ZNF836: variants seen among roughly 807,000 people sequenced by gnomAD.
ZNF836 encodes zinc finger protein 836.
ZNF836 carries 12 observed loss-of-function variants against 7.4 expected under a neutral mutation model. The ratio of observed to expected loss-of-function variants is 1.61; its 90% CI spans 1.03 to 2.61. The LOEUF is 2.61. Ranked by LOEUF, ZNF836 falls within the 30% of genes most tolerant of loss-of-function variation. ZNF836 has a pLI of 0.00. For synonymous variants in ZNF836, 365 were observed against 382.6 expected (o/e 0.95, Z 0.54); for missense variants, 998 against 1,126.2 (o/e 0.89, Z 1.63).
chr19:52,158,989 G>A (rs66966048), intron 4 of ZNF836, among the ~76,000 whole-genome samples: 22,392 of 152,056 alleles, frequency 0.15, 1,944 homozygotes, highest in South Asian at 0.35. Context: ...TTTGCTTTTT[G>A]CACGGCAATC....
chr19:52,158,049 A>G (rs987626254), intron 4 of ZNF836, among the ~76,000 whole-genome samples: 6 of 152,174 alleles, frequency 3.9e-5, no homozygotes, highest in Admixed American at 2.6e-4. Context: ...TCTTCAGTAA[A>G]GAAAGAGTAA....
At position 52,157,348 on chromosome 19, in the gene ZNF836, A is replaced by G. The variant is rs1470940640; in HGVS notation, c.335T>C (p.Val112Ala). The G allele has an allele frequency of 1.9e-6, 3 of 1,607,052 alleles. No individual in the cohort carries two copies. The highest frequency in any genetic ancestry group is 2.7e-5 in the African/African-American group (2 of 74,344). ...AAGATTGTTTTTATAGGTCATTGGC[A>G]CTTCTTTATAATTTATTTCACCATC... Reference protein sequence around the residue: ...WKDGEINYKEVPMTYKNNLNG... With the variant: ...WKDGEINYKEAPMTYKNNLNG... The change falls in exon 5 of 5, where the codon GTG (valine) becomes GCG (alanine). Residue 112 changes from valine to alanine, a missense_variant. Physicochemically the swap from Val to Ala is moderately conservative, Grantham distance 64. Coordinates refer to ENST00000682614, the MANE Select transcript of ZNF836 (RefSeq NM_001102657.3).
intron 3 of ZNF836, among the ~76,000 whole-genome samples, chr19:52,163,313 C>G (rs926866136): frequency 1.5e-4 from 23 of 152,298 alleles, no homozygotes; most frequent in Non-Finnish European, 2.9e-4. Context: ...CATGGCCAGG[C>G]TGAGAATTTT....
In ZNF836 at chr19:52,157,461, C is replaced by A. The variant is rs377598304; in HGVS notation, c.222G>T (p.Thr74=). Residue 74 remains threonine (T), a synonymous_variant, in exon 5 of 5, where the codon ACG becomes ACT. Coordinates refer to ENST00000682614, the MANE Select transcript of ZNF836 (RefSeq NM_001102657.3). ...SNTGEKCQTV[T]LERHECYDVE... is the part of the protein sequence containing the mutation. ...CATCATAACATTCATGTCTTTCCAG[C>A]GTCACTGTTTGGCATTTTTCTCCTG... The A allele has an allele frequency of 1.9e-6, 3 of 1,595,156 alleles. No individual in the cohort carries two copies. The highest frequency in any genetic ancestry group is 2.6e-6 in the Non-Finnish European group (3 of 1,174,346).
chr19:52,167,722 T>A (rs1186583035), intron 3 of ZNF836, among the ~76,000 whole-genome samples: 2 of 152,132 alleles, frequency 1.3e-5, no homozygotes, highest in Non-Finnish European at 2.9e-5. Context: ...TCTCTACTTC[T>A]GGTCTACAGA....
rs1243027362 is a variant in ZNF836, at chr19:52,155,716, T to C, written c.1967A>G (p.His656Arg). The change falls in exon 5 of 5, where the codon CAT becomes CGT. Residue 656 changes from histidine to arginine, a missense_variant. Transcript: ENST00000682614. ...VFSYYSCLAR[H>R]RKIHTGEKPY... The stretch of plus-strand genomic sequence containing the variant: ...TTTCTCTCCGGTATGAATTTTCCGA[T>C]GACGTGCTAGGCATGAGTAGTAACT... 1.2e-6 allele frequency: 2 copies of C among 1,614,254 alleles called. No individual in the cohort carries two copies. The highest frequency in any genetic ancestry group is 2.2e-5 in the East Asian group (1 of 44,890).
chr19:52,169,755 T>A lies in ZNF836; in HGVS notation c.-188A>T, dbSNP rs1279922910. On this transcript the variant is annotated 5_prime_UTR_variant, in exon 2 of 5. Transcript: ENST00000682614. ...CTGCAGTGAGCGGAGATCATGGCAC[T>A]GTACTCTAGTCTGACAGAGCAAGAC... The A allele has an allele frequency of 2.0e-5, 3 of 150,186 alleles. No homozygotes were observed. Among genetic ancestry groups the A allele is most frequent in the Admixed American group, 1.3e-4 (2 of 14,976 alleles). 9.3% of individuals were successfully genotyped at this position (150,186 alleles called of 1,614,324 possible).
Position 52,156,422 on chromosome 19 carries a change from T to C in ZNF836, c.1261A>G (p.Lys421Glu). ...AGGCTGGAGCTCCGTTTAAAGGTTT[T>C]GCCACACTCATCACATTTGTAAGGT... ...NKPYKCDECG[K>E]TFKRSSSLTT... Residue 421 changes from lysine to glutamate, a missense_variant, in exon 5 of 5, where the codon AAA (lysine) becomes GAA (glutamate). Physicochemically the swap from Lys to Glu is moderately conservative, Grantham distance 56. Coordinates refer to ENST00000682614, the MANE Select transcript of ZNF836 (RefSeq NM_001102657.3). The C allele has an allele frequency of 6.2e-7, 1 of 1,614,234 alleles. No homozygotes were observed. The highest frequency in any genetic ancestry group is 8.5e-7 in the Non-Finnish European group (1 of 1,180,048).
Position 52,156,066 on chromosome 19 carries a change from T to C in ZNF836, c.1617A>G (p.Ser539=), listed in dbSNP as rs1268567042. ...GAATTCTTAAATGTCTTACAAGGCA[T>C]GAATTTTCACTAAAGACCTTTCCAC... The part of the protein sequence containing the change: ...GECGKVFSEN[S]CLVRHLRIHT... Residue 539 remains serine, a synonymous_variant, in exon 5 of 5, where the codon TCA becomes TCG. Coordinates refer to ENST00000682614, the MANE Select transcript of ZNF836 (RefSeq NM_001102657.3). 6.2e-7 allele frequency: 1 copy of C among 1,614,062 alleles called. No homozygotes were observed. Among genetic ancestry groups the C allele is most frequent in the Middle Eastern group, 1.6e-4 (1 of 6,062 alleles).
intron 3 of ZNF836, among the ~76,000 whole-genome samples, chr19:52,164,134 G>A (rs2089238870): frequency 6.6e-6 from 1 of 151,978 alleles, no homozygotes; most frequent in Non-Finnish European, 1.5e-5. Context: ...CTCACGACCT[G>A]TAATCCCAGC....
chr19:52,168,321 C>T (rs1329168354), intron 2 of ZNF836, among the ~76,000 whole-genome samples, 169 bp from the exon 3 acceptor site: 2 of 152,168 alleles, frequency 1.3e-5, no homozygotes, highest in African/African-American at 4.8e-5. Context: ...GGCATGGTGG[C>T]TCACGCCTGT....
At chr19:52,167,363 T>C (rs1340942797) in intron 3 of ZNF836, among the ~76,000 whole-genome samples, 1 of 146,806 alleles carries the variant, frequency 6.8e-6, no homozygotes, top group Non-Finnish European at 1.5e-5. Context: ...TCCCAGCTAC[T>C]CAGGAGGCTG....
At chr19:52,164,220 C>T (rs867613527) in intron 3 of ZNF836, among the ~76,000 whole-genome samples, 1 of 151,906 alleles carries the variant, frequency 6.6e-6, no homozygotes, top group East Asian at 1.9e-4. Flanking sequence ...GGTGAAATCC[C>T]GTTTCTACTA....
rs2089140651 is a variant in ZNF836 at position 52,155,205 on chromosome 19, T to C, written c.2478A>G (p.Lys826=). ...RVRSILVNHQ[K]MHTGDKPYKC... ...TGTAAGGTTTGTCCCCAGTATGCAT[T>C]TTCTGATGATTAACCAGAATTGAAC... Residue 826 remains lysine (K), a synonymous_variant, in exon 5 of 5, where the codon AAA becomes AAG. Transcript: ENST00000682614. 1 of 1,614,092 alleles carries C rather than the reference T, an allele frequency of 6.2e-7. No individual in the cohort carries two copies.
chr19:52,156,281 T>G lies in ZNF836; in HGVS notation c.1402A>C (p.Lys468Gln). 6.2e-7 allele frequency: 1 copy of G among 1,614,226 alleles called. No homozygotes were observed. Among genetic ancestry groups the G allele is most frequent in the Non-Finnish European group, 8.5e-7 (1 of 1,180,042 alleles). ...ARHQRSHTGEKPYKCNECGKV... is the reference protein window; with the variant it reads ...ARHQRSHTGEQPYKCNECGKV... ...CCACATTCATTGCATTTGTAAGGTT[T>G]CTCTCCAGTATGACTTCTCTGGTGC... The change falls in exon 5 of 5, where the codon AAA (lysine) becomes CAA (glutamine). Residue 468 changes from lysine (K) to glutamine (Q), a missense_variant. Lys to Gln is a moderately conservative substitution (Grantham distance 53). Transcript: ENST00000682614.
chr19:52,156,466 G>T lies in ZNF836; in HGVS notation c.1217C>A (p.Thr406Lys). ...GTAAGGTTTGTTTCCACTATGAACTGTCTGATGAGTTGCCAGGTTGGAACT... is the reference window on the plus strand; with the variant it reads ...GTAAGGTTTGTTTCCACTATGAACTTTCTGATGAGTTGCCAGGTTGGAACT... ...SQSSNLATHQ[T>K]VHSGNKPYKC... The change falls in exon 5 of 5, where the codon ACA becomes AAA. Residue 406 changes from threonine to lysine, a missense_variant. By Grantham distance (78) the Thr-to-Lys change is moderately conservative. Transcript: ENST00000682614. 6.2e-7 allele frequency: 1 copy of T among 1,613,916 alleles called. No homozygotes were observed. Among genetic ancestry groups the T allele is most frequent in the South Asian group, 1.1e-5 (1 of 91,056 alleles).
In ZNF836 at chr19:52,168,100, C is replaced by T. The variant is rs954985501; in HGVS notation, c.-28G>A. The T allele has an allele frequency of 1.9e-6, 3 of 1,611,408 alleles. No homozygotes were observed. The highest frequency in any genetic ancestry group is 2.7e-5 in the African/African-American group (2 of 74,810). The stretch of plus-strand genomic sequence containing the variant: ...CTGACTCCTTTTCTTTCCTCTTCTT[C>T]CTCTTCTGGGCTTCTCTCTCAGTCA... On this transcript the variant is annotated 5_prime_UTR_variant, in exon 3 of 5. Coordinates refer to ENST00000682614, the MANE Select transcript of ZNF836 (RefSeq NM_001102657.3).
chr19:52,155,841 C>T lies in ZNF836; in HGVS notation c.1842G>A (p.Val614=), dbSNP rs748389641. ...CACTGTCATTGAAGACCTTGCCACA[C>T]ACATTACATTTGTAAGGTTTCTGCC... The part of the protein sequence containing the change: ...HTGQKPYKCN[V]CGKVFNDSGN... The change falls in exon 5 of 5, where the codon GTG becomes GTA. Residue 614 remains valine (V), a synonymous_variant. Transcript: ENST00000682614. The T allele has an allele frequency of 7.4e-6, 12 of 1,613,600 alleles. No individual in the cohort carries two copies. In the Admixed American group the frequency reaches 2.0e-4, roughly 27 times the overall value.
intron 3 of ZNF836, among the ~76,000 whole-genome samples, chr19:52,164,204 T>C (rs2089239841): frequency 6.6e-6 from 1 of 151,742 alleles, no homozygotes; most frequent in African/African-American, 2.4e-5. Flanking sequence ...CCAGCATGGC[T>C]AACATGGTGA....
Sources: allele counts gnomAD v4.1 joint callset (sites outside exome capture counted in the v4.1 genomes callset), GRCh38; gene constraint gnomAD v4.1.1; transcripts MANE v1.5; gene names NCBI Gene and HGNC (gene_info 2026-07-23, HGNC 2026-07-21).